The following ZRANB3 variants were observed in gnomAD, a reference collection of about 807,000 sequenced individuals.
The protein encoded by ZRANB3 is DNA annealing helicase and endonuclease ZRANB3.
ZRANB3 carries 125 observed loss-of-function variants against 133.8 expected under a neutral mutation model. That is an observed-to-expected ratio of 0.93 (90% CI 0.81 to 1.08). The LOEUF is 1.08. Ranked by LOEUF, ZRANB3 falls within the 50% of genes least tolerant of loss-of-function variation. The pLI is 0.00. For synonymous variants in ZRANB3, 387 were observed against 432.7 expected (o/e 0.89, Z 1.31); for missense variants, 1,229 against 1,275.5 (o/e 0.96, Z 0.56).
rs750176920 is a variant in ZRANB3 at position 135,200,335 on chromosome 2, T to G, written c.*7A>C. The G allele has an allele frequency of 1.9e-6, 3 of 1,577,562 alleles. No homozygotes were observed. In the South Asian group the frequency reaches 3.5e-5, roughly 18 times the overall value. On this transcript the variant is annotated 3_prime_UTR_variant, in exon 21 of 21. Coordinates refer to ENST00000264159, the MANE Select transcript of ZRANB3 (RefSeq NM_032143.4). ...CCATTTGTCATTCATTCATATATTT[T>G]TCTACTTTACTTCTTTACCAAAAAT...
chr2:135,419,324 A>G (rs1255602628), intron 2 of ZRANB3, among the ~76,000 whole-genome samples: 2 of 152,088 alleles, frequency 1.3e-5, no homozygotes, highest in South Asian at 2.1e-4. Flanking sequence ...TGGATTTTAC[A>G]TAAGATTAGG....
intron 8 of ZRANB3, among the ~76,000 whole-genome samples, chr2:135,288,910 T>G (rs1257974171): frequency 2.3e-5 from 3 of 129,906 alleles, no homozygotes; most frequent in Non-Finnish European, 4.6e-5. Context: ...GTGTGTGTGT[T>G]GTTTCAATTT....
intron 8 of ZRANB3, among the ~76,000 whole-genome samples, chr2:135,291,559 C>A (rs1377587748): frequency 6.6e-6 from 1 of 151,118 alleles, no homozygotes. Context: ...TTTAAAAATT[C>A]TTTTTATTTT....
intron 3 of ZRANB3, among the ~76,000 whole-genome samples, chr2:135,372,165 CAAAAA>C (rs568486324): frequency 2.3e-5 from 2 of 88,600 alleles, no homozygotes; most frequent in African/African-American, 3.8e-5. Flanking sequence ...GACTCTGTCT[CAAAAA>C]AAAAAAAAAA....
chr2:135,357,603 G>A (rs944087704), intron 3 of ZRANB3, among the ~76,000 whole-genome samples: 3 of 152,000 alleles, frequency 2.0e-5, no homozygotes, highest in East Asian at 1.9e-4. Context: ...GCCAAGACAC[G>A]GTTTTGCCAT....
intron 1 of ZRANB3, among the ~76,000 whole-genome samples, chr2:135,526,265 G>C (rs1319247353): frequency 6.8e-6 from 1 of 147,116 alleles, no homozygotes; most frequent in Non-Finnish European, 1.5e-5. Flanking sequence ...CCAGGTTCAA[G>C]CCATTCTCCT....
At position 135,315,547 on chromosome 2, in the gene ZRANB3, A is replaced by G; in HGVS notation, c.678-17T>C. On this transcript the variant is annotated splice_polypyrimidine_tract_variant and intron_variant, in intron 6 of 20. Coordinates refer to ENST00000264159, the MANE Select transcript of ZRANB3 (RefSeq NM_032143.4). ...CCAAAATATCTGTTAAAATGAAGAC[A>G]AAACATGTAGCAAAATTGAATGCTG... 1 of 1,428,532 alleles carries G rather than the reference A, an allele frequency of 7.0e-7. No individual in the cohort carries two copies. The highest frequency in any genetic ancestry group is 9.2e-7 in the Non-Finnish European group (1 of 1,087,612). 88.5% of individuals were successfully genotyped at this position (1,428,532 alleles called of 1,614,324 possible). A position where few individuals can be genotyped will look rare whatever the true frequency, so the allele number is the denominator to read the frequency against.
chr2:135,285,613 T>TA (rs1681318157), intron 8 of ZRANB3, among the ~76,000 whole-genome samples: 1 of 152,244 alleles, frequency 6.6e-6, no homozygotes, highest in Admixed American at 6.5e-5. Flanking sequence ...GTGTTTAAAG[T>TA]AATTTGCCTT....
intron 12 of ZRANB3, among the ~76,000 whole-genome samples, chr2:135,263,448 G>A (rs1052017897): frequency 6.6e-6 from 1 of 152,120 alleles, no homozygotes; most frequent in African/African-American, 2.4e-5. Context: ...AATATATTCT[G>A]TATATTGAAA....
chr2:135,231,019 A>G (rs1238413511), intron 12 of ZRANB3, 92 bp from the exon 13 acceptor site: 2 of 1,218,398 alleles, frequency 1.6e-6, no homozygotes, highest in Non-Finnish European at 2.2e-6. Flanking sequence ...TTAATTAACC[A>G]TATTGCCTTA....
rs753942505 is a variant in ZRANB3, at chr2:135,313,534, G to A, written c.921C>T (p.Val307=). ...RTPNSGAMET[V]MGLITRMFKQ... is the part of the protein sequence containing the mutation. ...TAAACATGCGAGTTATCAACCCCAT[G>A]ACTGTCTCCATGGCACCTGAATTTG... is the stretch of plus-strand genomic sequence containing the variant. Residue 307 remains valine (V), a synonymous_variant, in exon 8 of 21, where the codon GTC becomes GTT. Transcript: ENST00000264159. 1 of 1,613,800 alleles carries A rather than the reference G, an allele frequency of 6.2e-7. No homozygotes were observed. The highest frequency in any genetic ancestry group is 8.5e-7 in the Non-Finnish European group (1 of 1,179,802).
At chr2:135,232,816 A>G (rs1034582988) in intron 12 of ZRANB3, among the ~76,000 whole-genome samples, 6 of 152,182 alleles carry the variant, frequency 3.9e-5, no homozygotes, top group African/African-American at 1.2e-4. Flanking sequence ...TCAAAGACCA[A>G]AGGTAGATAA....
At chr2:135,501,608 G>T (rs1010239499) in intron 2 of ZRANB3, among the ~76,000 whole-genome samples, 4 of 152,052 alleles carry the variant, frequency 2.6e-5, no homozygotes, top group African/African-American at 9.7e-5. Flanking sequence ...TCTAATCAAG[G>T]CTCGTGCATT....
At chr2:135,461,855 G>A (rs868392574) in intron 2 of ZRANB3, among the ~76,000 whole-genome samples, 1 of 152,090 alleles carries the variant, frequency 6.6e-6, no homozygotes, top group African/African-American at 2.4e-5. Flanking sequence ...TATAGTATAC[G>A]TCTGAAAAGA....
At chr2:135,370,061 C>T (rs1421198935) in intron 3 of ZRANB3, among the ~76,000 whole-genome samples, 2 of 143,610 alleles carry the variant, frequency 1.4e-5, no homozygotes, top group African/African-American at 5.2e-5. Context: ...TTAATATCCT[C>T]GAAGATCTTT....
At chr2:135,211,093 G>A (rs1694081254) in intron 17 of ZRANB3, among the ~76,000 whole-genome samples, 1 of 152,080 alleles carries the variant, frequency 6.6e-6, no homozygotes, top group Admixed American at 6.5e-5. Flanking sequence ...ATAGGTGTAT[G>A]CCTTTTATTT....
At chr2:135,498,355 T>C (rs1692776248) in intron 2 of ZRANB3, among the ~76,000 whole-genome samples, 1 of 152,184 alleles carries the variant, frequency 6.6e-6, no homozygotes, top group Non-Finnish European at 1.5e-5. Flanking sequence ...TAATTTCTTA[T>C]ACCTGTCTTT....
intron 2 of ZRANB3, among the ~76,000 whole-genome samples, chr2:135,498,765 A>C (rs950595622): frequency 5.2e-4 from 79 of 152,312 alleles, no homozygotes; most frequent in African/African-American, 1.7e-3. Context: ...CTTTGGGAAC[A>C]TCTATCTTTT....
At chr2:135,297,516 T>G (rs1017337199) in intron 8 of ZRANB3, among the ~76,000 whole-genome samples, 1 of 152,238 alleles carries the variant, frequency 6.6e-6, no homozygotes, top group Non-Finnish European at 1.5e-5. Flanking sequence ...CCTGACCCCT[T>G]GCGCTTCACG....
Sources: allele counts gnomAD v4.1 joint callset (sites outside exome capture counted in the v4.1 genomes callset), GRCh38; gene constraint gnomAD v4.1.1; transcripts MANE v1.5; gene names NCBI Gene and HGNC (gene_info 2026-07-23, HGNC 2026-07-21).